Variants in GRID2 observed in about 807,000 individuals in gnomAD.
The protein encoded by GRID2 is glutamate ionotropic receptor delta type subunit 2.
In GRID2, 33 loss-of-function variants were observed where a neutral mutation model predicts 114.8. That is an observed-to-expected ratio of 0.29 (90% CI 0.22 to 0.38). The LOEUF (loss-of-function observed/expected upper bound fraction) is 0.38. Ranked by LOEUF, GRID2 falls within the 10% of genes least tolerant of loss-of-function variation. GRID2 has a pLI of 1.00. For synonymous variants in GRID2, 505 were observed against 449.9 expected (o/e 1.12, Z -1.55); for missense variants, 1,184 against 1,257.7 (o/e 0.94, Z 0.89).
rs1296565046 is a variant in GRID2, at chr4:92,578,113, CTTT to C, written c.89-12015_89-12013del. Among the ~76,000 whole-genome samples, 157 of 92,528 alleles carry C rather than the reference CTTT, an allele frequency of 1.7e-3. 3 individuals are homozygous for C. The highest frequency in any genetic ancestry group is 2.8e-3 in the Non-Finnish European group (114 of 40,368). The allele number at this position is 92,528 out of a possible 152,430, so 60.7% of individuals were successfully genotyped here. A position where few individuals can be genotyped will look rare whatever the true frequency, so the allele number is the denominator to read the frequency against. Reference sequence around the variant, plus strand: ...TCTTCTTCTTCTTCTTCTTCTTCTTCTTTTTCTTATTATTATTATTACACTTTA... The same window carrying C: ...TCTTCTTCTTCTTCTTCTTCTTCTTCTTCTTATTATTATTATTACACTTTA... On this transcript the variant is annotated intron_variant, in intron 1 of 15. Coordinates refer to ENST00000282020, the MANE Select transcript of GRID2 (RefSeq NM_001510.4).
intron 2 of GRID2, among the ~76,000 whole-genome samples, chr4:93,081,393 T>A (rs1729856260): frequency 6.6e-6 from 1 of 152,182 alleles, no homozygotes; most frequent in Non-Finnish European, 1.5e-5. Context: ...GCTTAAGAAA[T>A]GAAAATGTTA....
intron 1 of GRID2, among the ~76,000 whole-genome samples, chr4:92,431,867 T>G (rs933067442): frequency 6.6e-6 from 1 of 152,246 alleles, no homozygotes; most frequent in African/African-American, 2.4e-5. Context: ...TACCCATTCT[T>G]CTGGAAAAGG....
chr4:93,008,329 T>C (rs1025197026), intron 2 of GRID2, among the ~76,000 whole-genome samples: 3 of 152,252 alleles, frequency 2.0e-5, no homozygotes, highest in African/African-American at 7.2e-5. Flanking sequence ...ATACTGTATG[T>C]GCAAGAACTC....
intron 13 of GRID2, among the ~76,000 whole-genome samples, chr4:93,615,399 G>T (rs1044148610): frequency 1.3e-5 from 2 of 152,104 alleles, no homozygotes; most frequent in South Asian, 2.1e-4. Context: ...TTTGAATTTT[G>T]TGAAATTGGT....
At chr4:92,951,153 T>C (rs1264909336) in intron 2 of GRID2, among the ~76,000 whole-genome samples, 3 of 152,092 alleles carry the variant, frequency 2.0e-5, no homozygotes, top group Non-Finnish European at 4.4e-5. Context: ...GATAATGTTT[T>C]CTGATGTTTT....
chr4:93,092,649 A>G (rs1036705429), intron 3 of GRID2, among the ~76,000 whole-genome samples: 3 of 152,020 alleles, frequency 2.0e-5, no homozygotes, highest in Non-Finnish European at 4.4e-5. Flanking sequence ...AGTTGATCTG[A>G]TCAGTTAATG....
At chr4:92,440,772 T>G (rs962043054) in intron 1 of GRID2, among the ~76,000 whole-genome samples, 1 of 151,414 alleles carries the variant, frequency 6.6e-6, no homozygotes, top group Non-Finnish European at 1.5e-5. Flanking sequence ...TTTGGGGAAA[T>G]GGGGTGAATG....
chr4:92,717,746 A>G (rs1262992883), intron 2 of GRID2, among the ~76,000 whole-genome samples: 1 of 152,202 alleles, frequency 6.6e-6, no homozygotes, highest in African/African-American at 2.4e-5. Flanking sequence ...ACAAGAAAAT[A>G]GTGTTTTATT....
At chr4:93,455,137 G>A (rs1471439799) in intron 10 of GRID2, among the ~76,000 whole-genome samples, 1 of 151,900 alleles carries the variant, frequency 6.6e-6, no homozygotes, top group African/African-American at 2.4e-5. Flanking sequence ...TGACACCTTA[G>A]TGCTATAAAA....
chr4:93,380,777 C>A (rs1212876539), intron 8 of GRID2, among the ~76,000 whole-genome samples: 1 of 151,958 alleles, frequency 6.6e-6, no homozygotes, highest in African/African-American at 2.4e-5. Flanking sequence ...TGATGAAATA[C>A]CACATAACAA....
At chr4:93,591,098 T>C (rs1295075153) in intron 13 of GRID2, among the ~76,000 whole-genome samples, 1 of 145,582 alleles carries the variant, frequency 6.9e-6, no homozygotes, top group South Asian at 2.3e-4. Flanking sequence ...CTATGTTGAA[T>C]AGGAGTGGTG....
chr4:93,314,776 T>C (rs1273132077), intron 8 of GRID2, among the ~76,000 whole-genome samples: 2 of 151,980 alleles, frequency 1.3e-5, no homozygotes, highest in South Asian at 4.1e-4. Context: ...CACACATAGA[T>C]ATATATTGTG....
At chr4:92,989,229 A>T (rs1754697273) in intron 2 of GRID2, among the ~76,000 whole-genome samples, 1 of 142,228 alleles carries the variant, frequency 7.0e-6, no homozygotes, top group Non-Finnish European at 1.5e-5. Context: ...GTGAGCCAAG[A>T]CCATGCCACT....
chr4:93,490,916 C>A, intron 12 of GRID2, 139 bp downstream of exon 12: 3 of 578,672 alleles, frequency 5.2e-6, no homozygotes, highest in Non-Finnish European at 9.1e-6. Flanking sequence ...TGTGTTACTG[C>A]AAAGTATCAC....
intron 1 of GRID2, among the ~76,000 whole-genome samples, chr4:92,478,428 G>A (rs1722420715): frequency 6.6e-6 from 1 of 152,008 alleles, no homozygotes; most frequent in Non-Finnish European, 1.5e-5. Flanking sequence ...AATTAGTTAT[G>A]CATCTTAATG....
intron 1 of GRID2, among the ~76,000 whole-genome samples, chr4:92,328,950 C>T (rs1377725356): frequency 6.6e-6 from 1 of 151,920 alleles, no homozygotes; most frequent in Non-Finnish European, 1.5e-5. Flanking sequence ...GAAGATTGGA[C>T]TTGAAGCTGG....
chr4:92,778,020 G>T (rs1578178836), intron 2 of GRID2, among the ~76,000 whole-genome samples: 1 of 152,056 alleles, frequency 6.6e-6, no homozygotes, highest in Admixed American at 6.6e-5. Context: ...AGATAACTAG[G>T]CATTTAGGGT....
chr4:92,568,650 C>T (rs1267777378), intron 1 of GRID2, among the ~76,000 whole-genome samples: 1 of 151,784 alleles, frequency 6.6e-6, no homozygotes, highest in Non-Finnish European at 1.5e-5. Context: ...AGGGTTTGTT[C>T]TACAGATTAT....
intron 2 of GRID2, among the ~76,000 whole-genome samples, chr4:92,672,345 C>G (rs1385873602): frequency 6.6e-6 from 1 of 152,216 alleles, no homozygotes; most frequent in Admixed American, 6.5e-5. Context: ...TTTAAATTTT[C>G]AGCTCTAATA....
Sources: allele counts gnomAD v4.1 joint callset (sites outside exome capture counted in the v4.1 genomes callset), GRCh38; gene constraint gnomAD v4.1.1; transcripts MANE v1.5; gene names NCBI Gene and HGNC (gene_info 2026-07-23, HGNC 2026-07-21).